LMAN1: variants seen among roughly 807,000 people sequenced by gnomAD.
LMAN1 encodes protein ERGIC-53.
A neutral mutation model predicts 67.8 loss-of-function variants in LMAN1; 32 were observed. The observed-to-expected ratio is 0.47, with a 90% CI of 0.36 to 0.63. LMAN1 has a LOEUF of 0.63. Ranked by LOEUF, LMAN1 falls within the 30% of genes least tolerant of loss-of-function variation. The pLI, the probability that LMAN1 is intolerant of heterozygous loss-of-function variation, is 0.00. For synonymous variants in LMAN1, 235 were observed against 219.3 expected (o/e 1.07, Z -0.63); for missense variants, 632 against 628.2 (o/e 1.01, Z -0.06).
In LMAN1 at chr18:59,331,003, T is replaced by C; in HGVS notation, c.*90A>G. ...GTTATTTTATTAAGAAAATTAATAATTTAGACTATGAAGCAATTTAAATAC... is the reference window on the plus strand; with the variant it reads ...GTTATTTTATTAAGAAAATTAATAACTTAGACTATGAAGCAATTTAAATAC... On this transcript the variant is annotated 3_prime_UTR_variant, in exon 13 of 13. Coordinates refer to ENST00000251047, the MANE Select transcript of LMAN1 (RefSeq NM_005570.4). 1.2e-6 allele frequency: 1 copy of C among 856,706 alleles called. No homozygotes were observed. Among genetic ancestry groups the C allele is most frequent in the Non-Finnish European group, 1.9e-6 (1 of 519,884 alleles). The allele number at this position is 856,706 out of a possible 1,614,324, so 53.1% of individuals were successfully genotyped here.
intron 5 of LMAN1, among the ~76,000 whole-genome samples, chr18:59,351,208 G>A (rs1326258334): frequency 6.6e-6 from 1 of 152,098 alleles, no homozygotes; most frequent in Non-Finnish European, 1.5e-5. Flanking sequence ...ATATTGATAA[G>A]AAGAGATATA....
chr18:59,346,010 CT>C lies in LMAN1; in HGVS notation c.863del (p.Lys288SerfsTer39), dbSNP rs912961720. On this transcript the variant is annotated frameshift_variant, in exon 8 of 13. Transcript: ENST00000251047. LOFTEE classifies it high-confidence loss of function. ...DKEISEKEKEKYQEEFEHFQQ... is the reference protein window; with the variant it reads ...DKEISEKEKEXYQEEFEHFQQ... ...GAAAGTGCTCAAATTCCTCCTGATA[CT>C]TTTCTTTTTCCTTTTCCGAAATTTC... is the stretch of plus-strand genomic sequence containing the variant. 25 of 1,613,292 alleles carry C rather than the reference CT, an allele frequency of 1.5e-5. No homozygotes were observed. Among genetic ancestry groups the C allele is most frequent in the Non-Finnish European group, 1.9e-5 (23 of 1,179,784 alleles).
intron 4 of LMAN1, 35 bp from the exon 5 acceptor site, chr18:59,353,336 C>T (rs1229879539): frequency 1.4e-6 from 2 of 1,436,078 alleles, no homozygotes. Context: ...AGACAAGACA[C>T]TCAGCTTTTC....
At chr18:59,346,882 C>T (rs1034129712) in intron 7 of LMAN1, among the ~76,000 whole-genome samples, 1 of 152,040 alleles carries the variant, frequency 6.6e-6, no homozygotes, top group African/African-American at 2.4e-5. Flanking sequence ...TGCACTGTCT[C>T]AATCCTTCAA....
intron 1 of LMAN1, among the ~76,000 whole-genome samples, chr18:59,357,489 A>C (rs1908685856): frequency 6.6e-6 from 1 of 152,180 alleles, no homozygotes; most frequent in South Asian, 2.1e-4. Flanking sequence ...CAAAAACTCC[A>C]AAAACTTGTG....
intron 11 of LMAN1, 89 bp from the exon 12 acceptor site, chr18:59,331,628 T>C: frequency 7.1e-7 from 1 of 1,416,054 alleles, no homozygotes; most frequent in Non-Finnish European, 9.9e-7. Flanking sequence ...AACTGTTTGC[T>C]ATATAAACAA....
At chr18:59,339,163 A>G (rs1423297743) in intron 8 of LMAN1, among the ~76,000 whole-genome samples, 1 of 152,242 alleles carries the variant, frequency 6.6e-6, no homozygotes, top group African/African-American at 2.4e-5. Flanking sequence ...AACACTTATT[A>G]TAAACTGGGT....
In LMAN1 at chr18:59,330,625, A is replaced by C. The variant is rs2070741787; in HGVS notation, c.*468T>G. 1 of 154,380 alleles carries C rather than the reference A, an allele frequency of 6.5e-6. No homozygotes were observed. Among genetic ancestry groups the C allele is most frequent in the Non-Finnish European group, 1.4e-5 (1 of 69,278 alleles). 9.6% of individuals were successfully genotyped at this position (154,380 alleles called of 1,614,324 possible). A position where few individuals can be genotyped will look rare whatever the true frequency, so the allele number is the denominator to read the frequency against. Reference sequence around the variant, plus strand: ...AAGGAAGTTGCATTAAGATGAAAGGACTGCAGGCCCAGGCCTTTGATTAGG... The same window carrying C: ...AAGGAAGTTGCATTAAGATGAAAGGCCTGCAGGCCCAGGCCTTTGATTAGG... On this transcript the variant is annotated 3_prime_UTR_variant, in exon 13 of 13. Transcript: ENST00000251047.
At chr18:59,356,670 TG>T (rs5825331) in intron 1 of LMAN1, among the ~76,000 whole-genome samples, 20,761 of 152,158 alleles carry the variant, frequency 0.14, 1,591 homozygotes, top group Non-Finnish European at 0.18. Context: ...ATTCAAAGGA[TG>T]GGGTGTGGGC....
chr18:59,356,162 G>A (rs369032454), intron 1 of LMAN1, among the ~76,000 whole-genome samples: 5 of 152,154 alleles, frequency 3.3e-5, no homozygotes, highest in South Asian at 2.1e-4. Flanking sequence ...AGCTAGGCTC[G>A]ATCACTTCCA....
At chr18:59,340,864 T>C (rs1568114234) in intron 8 of LMAN1, among the ~76,000 whole-genome samples, 1 of 152,122 alleles carries the variant, frequency 6.6e-6, no homozygotes, top group Non-Finnish European at 1.5e-5. Flanking sequence ...GAACAAAGCC[T>C]CATATATCAA....
intron 5 of LMAN1, among the ~76,000 whole-genome samples, chr18:59,350,860 G>T (rs1159918069): frequency 6.6e-6 from 1 of 152,094 alleles, no homozygotes; most frequent in African/African-American, 2.4e-5. Context: ...TGTTAGGAAG[G>T]ACTGTAACTG....
Position 59,331,492 on chromosome 18 carries a change from T to C in LMAN1, c.1422A>G (p.Ser474=). ...TAATGAAGTGGACCGTAGACAAACA[T>C]GATGGAAATGGTGGTAGTTCTGGGC... ...PKCPELPPFP[S]CLSTVHFIIF... is the part of the protein sequence containing the mutation. Residue 474 remains serine, a synonymous_variant, in exon 12 of 13, where the codon TCA becomes TCG. Coordinates refer to ENST00000251047, the MANE Select transcript of LMAN1 (RefSeq NM_005570.4). 1 of 1,612,350 alleles carries C rather than the reference T, an allele frequency of 6.2e-7. No homozygotes were observed. Among genetic ancestry groups the C allele is most frequent in the East Asian group, 2.2e-5 (1 of 44,850 alleles).
chr18:59,357,096 G>C (rs1908677051), intron 1 of LMAN1, among the ~76,000 whole-genome samples: 1 of 152,162 alleles, frequency 6.6e-6, no homozygotes, highest in South Asian at 2.1e-4. Context: ...TAGTTACAGT[G>C]AGGCTTATGC....
In LMAN1 at chr18:59,327,940, T is replaced by C. The variant is rs2070722748; in HGVS notation, c.*3153A>G. On this transcript the variant is annotated 3_prime_UTR_variant, in exon 13 of 13. Transcript: ENST00000251047. ...AATGTTATCCAATTGAAATTGACAG[T>C]GGATAGAAAACCCTTTTAAACTTTA... 6.6e-6 allele frequency: 1 copy of C among 151,688 alleles called. No individual in the cohort carries two copies. Among genetic ancestry groups the C allele is most frequent in the African/African-American group, 2.4e-5 (1 of 41,368 alleles). The allele number at this position is 151,688 out of a possible 1,614,324, so 9.4% of individuals were successfully genotyped here.
intron 8 of LMAN1, among the ~76,000 whole-genome samples, chr18:59,339,468 G>C (rs1166399667): frequency 6.6e-6 from 1 of 152,152 alleles, no homozygotes; most frequent in Non-Finnish European, 1.5e-5. Context: ...CCAGGGCCCT[G>C]CAGTCCAAAA....
chr18:59,347,746 A>T (rs1908451937), intron 6 of LMAN1, among the ~76,000 whole-genome samples, 175 bp from the exon 7 acceptor site: 1 of 152,250 alleles, frequency 6.6e-6, no homozygotes, highest in Admixed American at 6.5e-5. Context: ...AGAGACCAAA[A>T]TTCACCTGAA....
rs1367996051 is a variant in LMAN1, at chr18:59,349,154, T to C, written c.722A>G (p.Gln241Arg). Residue 241 changes from glutamine (Q) to arginine (R), a missense_variant, in exon 6 of 13, where the codon CAA (glutamine) becomes CGA (arginine). Coordinates refer to ENST00000251047, the MANE Select transcript of LMAN1 (RefSeq NM_005570.4). ...AKVENMIIPAQGHFGISAATG... is the reference protein window; with the variant it reads ...AKVENMIIPARGHFGISAATG... Reference sequence around the variant, plus strand: ...TGCAGCAGATATTCCAAAATGCCCTTGTGCAGGGATAATCATATTTTCCAC... The same window carrying C: ...TGCAGCAGATATTCCAAAATGCCCTCGTGCAGGGATAATCATATTTTCCAC... 6.2e-7 allele frequency: 1 copy of C among 1,614,040 alleles called. No homozygotes were observed. Among genetic ancestry groups the C allele is most frequent in the Admixed American group, 1.7e-5 (1 of 60,030 alleles).
chr18:59,355,482 T>A, intron 2 of LMAN1, 22 bp downstream of exon 2: 1 of 1,614,124 alleles, frequency 6.2e-7, no homozygotes, highest in Non-Finnish European at 8.5e-7. Flanking sequence ...GCACATTTTC[T>A]AAGTTAAAGA....
Sources: allele counts gnomAD v4.1 joint callset (sites outside exome capture counted in the v4.1 genomes callset), GRCh38; gene constraint gnomAD v4.1.1; transcripts MANE v1.5; gene names NCBI Gene and HGNC (gene_info 2026-07-23, HGNC 2026-07-21).